SLC23A2: variants seen among roughly 807,000 people sequenced by gnomAD.
SLC23A2 encodes solute carrier family 23 member 2.
Under a neutral mutation model 73.3 loss-of-function variants are expected in SLC23A2, and 36 were observed. That is an observed-to-expected ratio of 0.49 (90% CI 0.38 to 0.65). The LOEUF is 0.65. Ranked by LOEUF, SLC23A2 falls within the 30% of genes least tolerant of loss-of-function variation. The pLI, the probability that SLC23A2 is intolerant of heterozygous loss-of-function variation, is 0.00. For synonymous variants in SLC23A2, 343 were observed against 327.3 expected, an observed-to-expected ratio of 1.05 and a Z score of -0.52; for missense variants, 507 against 841.6, an observed-to-expected ratio of 0.60 and a Z score of 4.92.
In SLC23A2 at chr20:4,862,963, G is replaced by A. The variant is rs6052943; in HGVS notation, c.1357-56C>T. The A allele has an allele frequency of 0.2, 311,089 of 1,563,646 alleles. 38,643 individuals carry two copies. The highest frequency in any genetic ancestry group is 0.61 in the African/African-American group (45,297 of 73,846). On this transcript the variant is annotated intron_variant, in intron 13 of 16. Coordinates refer to ENST00000338244, the MANE Select transcript of SLC23A2 (RefSeq NM_005116.6). The surrounding 1 kb of genome is among the most constrained non-coding windows in gnomAD (Gnocchi z 5.1). ...GGACTCATCTCCATGCAAAATCACC[G>A]TAAGTTACTAAAGAACACACAGCAG...
intron 4 of SLC23A2, among the ~76,000 whole-genome samples, chr20:4,907,135 C>G (rs1931985218): frequency 6.6e-6 from 1 of 152,188 alleles, no homozygotes; most frequent in Non-Finnish European, 1.5e-5. Context: ...GAATACCACA[C>G]AGCGATCAAG....
rs561314874 is a variant in SLC23A2, at chr20:4,872,578, C to T, written c.1102+1358G>A. ...CTTGTATACGCTGTGGGGGCTTCTA[C>T]CTACCTGCCACCCCCGCCTCGCCCT... On this transcript the variant is annotated intron_variant, in intron 11 of 16. Coordinates refer to ENST00000338244, the MANE Select transcript of SLC23A2 (RefSeq NM_005116.6). This position sits in a 1 kb window ranked among gnomAD's most constrained non-coding sequence, Gnocchi z 4.4. Among the ~76,000 whole-genome samples, 1 of 152,240 alleles carries T rather than the reference C, an allele frequency of 6.6e-6. No homozygotes were observed. The highest frequency in any genetic ancestry group is 2.4e-5 in the African/African-American group (1 of 41,556).
At chr20:4,940,833 G>C (rs1600154332) in intron 2 of SLC23A2, among the ~76,000 whole-genome samples, 1 of 152,160 alleles carries the variant, frequency 6.6e-6, no homozygotes, top group Admixed American at 6.5e-5. Flanking sequence ...TGGGGGGGCG[G>C]TCAATGGAGA....
intron 5 of SLC23A2, among the ~76,000 whole-genome samples, chr20:4,900,700 A>C (rs1473950473): frequency 6.6e-6 from 1 of 152,156 alleles, no homozygotes; most frequent in Admixed American, 6.6e-5. Context: ...TAGCCATGGG[A>C]ATCTTCCAGA....
intron 7 of SLC23A2, among the ~76,000 whole-genome samples, chr20:4,885,049 A>G (rs945811809): frequency 6.6e-6 from 1 of 152,252 alleles, no homozygotes. Flanking sequence ...CAAATTGTCA[A>G]AAGCTAACTG....
rs772936293 is a variant in SLC23A2 at position 4,867,755 on chromosome 20, G to A, written c.1356+15C>T. On this transcript the variant is annotated intron_variant, in intron 13 of 16. Transcript: ENST00000338244. Reference sequence around the variant, plus strand: ...GCTTAGAAACCCAATCATTTAATTAGAAAAATCTGTGTACCTTTGTAATTC... The same window carrying A: ...GCTTAGAAACCCAATCATTTAATTAAAAAAATCTGTGTACCTTTGTAATTC... 13 of 1,439,674 alleles carry A rather than the reference G, an allele frequency of 9.0e-6. No individual in the cohort carries two copies. Among genetic ancestry groups the A allele is most frequent in the African/African-American group, 2.8e-5 (2 of 70,894 alleles). The allele number at this position is 1,439,674 out of a possible 1,614,324, so 89.2% of individuals were successfully genotyped here.
intron 2 of SLC23A2, among the ~76,000 whole-genome samples, chr20:4,951,327 C>T (rs1392978065): frequency 5.9e-5 from 9 of 152,092 alleles, no homozygotes; most frequent in Non-Finnish European, 1.0e-4. Flanking sequence ...CCAGCACTAA[C>T]TCAGAAGTAA....
chr20:4,890,574 C>T (rs952001861), intron 6 of SLC23A2, among the ~76,000 whole-genome samples: 2 of 152,086 alleles, frequency 1.3e-5, no homozygotes, highest in African/African-American at 4.8e-5. Flanking sequence ...ATCTCTTGAA[C>T]CCGGAAGGTG....
chr20:4,873,772 C>T (rs1930543929), intron 11 of SLC23A2, 164 bp downstream of exon 11: 1 of 600,446 alleles, frequency 1.7e-6, no homozygotes, highest in Admixed American at 3.3e-5. Context: ...TTTCTGCCCT[C>T]TGGGGACAGG....
chr20:4,941,620 T>C (rs935444111), intron 2 of SLC23A2, among the ~76,000 whole-genome samples: 2 of 151,640 alleles, frequency 1.3e-5, no homozygotes, highest in Admixed American at 6.6e-5. Context: ...GAGACACACT[T>C]GAACCCAGGA....
intron 2 of SLC23A2, among the ~76,000 whole-genome samples, chr20:4,954,979 G>A (rs926634086): frequency 6.6e-6 from 1 of 152,022 alleles, no homozygotes; most frequent in Non-Finnish European, 1.5e-5. Context: ...GTTTGAGCAC[G>A]GTGGCTCAGG....
intron 1 of SLC23A2, among the ~76,000 whole-genome samples, chr20:4,979,018 G>A (rs1282500676): frequency 6.6e-6 from 1 of 152,160 alleles, no homozygotes; most frequent in Non-Finnish European, 1.5e-5. Context: ...GGTGGCTCAC[G>A]TCTGTAAGGC....
At chr20:4,893,428 T>C (rs183115022) in intron 6 of SLC23A2, among the ~76,000 whole-genome samples, 8 of 152,122 alleles carry the variant, frequency 5.3e-5, no homozygotes, top group Admixed American at 2.0e-4. Flanking sequence ...AACATACATA[T>C]ACAGAAAGAG....
rs140608320 is a variant in SLC23A2, at chr20:4,957,825, C to T, written c.-155+12968G>A. On this transcript the variant is annotated intron_variant, in intron 2 of 16. Transcript: ENST00000338244. ...CTGAGGCAGGAGAATCCCCTGAAAC[C>T]GGAATGCAGAAGTTGCAGTGAGCCA... Among the ~76,000 whole-genome samples the T allele has an allele frequency of 3.6e-3, 547 of 149,918 alleles. 4 individuals are homozygous for T. The highest frequency in any genetic ancestry group is 0.012 in the African/African-American group (468 of 40,502).
chr20:5,006,948 CGTGTGTGTGT>C (rs375441910), intron 1 of SLC23A2, among the ~76,000 whole-genome samples: 1 of 148,016 alleles, frequency 6.8e-6, no homozygotes, highest in Admixed American at 6.8e-5. Flanking sequence ...CCTGAAATGA[CGTGTGTGTGT>C]GTGTGTGTGT....
At chr20:4,981,539 T>C (rs1193912624) in intron 1 of SLC23A2, among the ~76,000 whole-genome samples, 3 of 152,178 alleles carry the variant, frequency 2.0e-5, no homozygotes, top group Non-Finnish European at 4.4e-5. Flanking sequence ...TTTTTAAAGT[T>C]TCCCAGGTGA....
Position 4,867,774 on chromosome 20 carries a change from G to A in SLC23A2, c.1352C>T (p.Thr451Ile). 1 of 1,548,306 alleles carries A rather than the reference G, an allele frequency of 6.5e-7. No individual in the cohort carries two copies. Among genetic ancestry groups the A allele is most frequent in the South Asian group, 1.1e-5 (1 of 89,428 alleles). ...SSPNIGVLGI[T>I]KVGSRRVIQC... ...TAATTAGAAAAATCTGTGTACCTTT[G>A]TAATTCCCAAAACTCCAATGTTGGG... Residue 451 changes from threonine to isoleucine, a missense_variant, in exon 13 of 17, where the codon ACA becomes ATA. Around this residue, in one of 5 missense-constraint regions of SLC23A2, gnomAD observed 168 missense variants for 302.3 expected, o/e 0.56. Transcript: ENST00000338244.
chr20:4,994,136 A>G (rs1415320067), intron 1 of SLC23A2, among the ~76,000 whole-genome samples: 1 of 152,130 alleles, frequency 6.6e-6, no homozygotes, highest in East Asian at 1.9e-4. Context: ...CTGACCACAT[A>G]TACCTTACTG....
intron 4 of SLC23A2, among the ~76,000 whole-genome samples, chr20:4,903,574 AC>A (rs1931829706): frequency 2.0e-5 from 3 of 152,240 alleles, no homozygotes; most frequent in Non-Finnish European, 4.4e-5. Context: ...TGTTCCACCC[AC>A]ATGGAGGCAA....
Sources: gnomAD v4.1 joint callset for allele counts (sites outside exome capture counted in the v4.1 genomes callset) on GRCh38, gnomAD v4.1.1 for gene constraint, gnomAD v4.1.1 regional missense constraint, Gnocchi (gnomAD v3.1) non-coding constraint, MANE v1.5 for transcripts, NCBI Gene and HGNC (gene_info 2026-07-23, HGNC 2026-07-21) for gene names.